GRID1: variants seen among roughly 807,000 people sequenced by gnomAD.
The protein encoded by GRID1 is glutamate receptor ionotropic, delta-1.
Under a neutral mutation model 98.0 loss-of-function variants are expected in GRID1, and 28 were observed. That is an observed-to-expected ratio of 0.29 (90% CI 0.21 to 0.39). The LOEUF (loss-of-function observed/expected upper bound fraction) is 0.39. GRID1 is among the 10% of genes least tolerant of loss of function. The pLI is 1.00. For missense variants in GRID1, 1,111 were observed against 1,340.5 expected, an observed-to-expected ratio of 0.83 and a Z score of 2.67; for synonymous variants, 553 against 538.5, an observed-to-expected ratio of 1.03 and a Z score of -0.37.
At chr10:86,136,755 T>G (rs1027676713) in intron 4 of GRID1, among the ~76,000 whole-genome samples, 1 of 152,032 alleles carries the variant, frequency 6.6e-6, no homozygotes, top group Admixed American at 6.5e-5. Flanking sequence ...CCCCTCAATC[T>G]CCTGCCAACA....
At chr10:85,844,495 A>T (rs906526635) in intron 8 of GRID1, among the ~76,000 whole-genome samples, 1 of 151,376 alleles carries the variant, frequency 6.6e-6, no homozygotes, top group Non-Finnish European at 1.5e-5. Flanking sequence ...GTGGATCTGA[A>T]TGAGATCCAT....
chr10:86,170,468 G>A (rs1039463388), intron 3 of GRID1, among the ~76,000 whole-genome samples: 5 of 152,248 alleles, frequency 3.3e-5, no homozygotes, highest in Non-Finnish European at 7.3e-5. Flanking sequence ...CATCACAAAT[G>A]TGAGCTCCCC....
intron 5 of GRID1, among the ~76,000 whole-genome samples, chr10:85,886,555 A>G (rs1029904215): frequency 6.6e-6 from 1 of 152,186 alleles, no homozygotes; most frequent in African/African-American, 2.4e-5. Flanking sequence ...GCAAAATTTC[A>G]ATGATGGACA....
chr10:86,327,016 A>G (rs887254738), intron 2 of GRID1, among the ~76,000 whole-genome samples: 1 of 152,114 alleles, frequency 6.6e-6, no homozygotes, highest in Non-Finnish European at 1.5e-5. Context: ...AGCGACTGTA[A>G]TTCCAGCTAC....
chr10:86,221,490 TTTGTGGG>T (rs1202079458), intron 2 of GRID1, among the ~76,000 whole-genome samples: 35 of 152,242 alleles, frequency 2.3e-4, no homozygotes, highest in Non-Finnish European at 4.6e-4. Flanking sequence ...AGAGGAAGCC[TTTGTGGG>T]CTGTGGGCTG....
intron 4 of GRID1, among the ~76,000 whole-genome samples, chr10:86,019,720 A>C (rs1040467482): frequency 7.9e-5 from 12 of 152,250 alleles, no homozygotes; most frequent in Non-Finnish European, 1.6e-4. Context: ...GTGATAGCTA[A>C]TAGTGGCAGG....
intron 13 of GRID1, among the ~76,000 whole-genome samples, chr10:85,640,497 T>G (rs545279039): frequency 1.3e-5 from 2 of 152,330 alleles, no homozygotes; most frequent in South Asian, 4.1e-4. Context: ...TGCACAGAAG[T>G]GCCCACCCAT....
chr10:86,239,111 A>G (rs1341649935), intron 2 of GRID1, among the ~76,000 whole-genome samples: 1 of 152,250 alleles, frequency 6.6e-6, no homozygotes, highest in East Asian at 1.9e-4. Context: ...GCAGAGCCAT[A>G]GGGACAGAGC....
intron 12 of GRID1, among the ~76,000 whole-genome samples, chr10:85,666,841 C>T (rs1480475159): frequency 6.6e-6 from 1 of 152,132 alleles, no homozygotes; most frequent in Non-Finnish European, 1.5e-5. Context: ...ACATCAGGTG[C>T]AGGTGTCCCC....
At chr10:86,088,826 T>G (rs1348557449) in intron 4 of GRID1, among the ~76,000 whole-genome samples, 1 of 152,078 alleles carries the variant, frequency 6.6e-6, no homozygotes, top group Non-Finnish European at 1.5e-5. Context: ...GTCTGGAGTT[T>G]TCTTTTTGCC....
chr10:86,043,464 G>A (rs1843375956), intron 4 of GRID1, among the ~76,000 whole-genome samples: 1 of 152,194 alleles, frequency 6.6e-6, no homozygotes, highest in South Asian at 2.1e-4. Flanking sequence ...CATCCTGCAG[G>A]CCTGAGCCTG....
At chr10:86,101,196 G>C (rs1844290980) in intron 4 of GRID1, among the ~76,000 whole-genome samples, 1 of 152,168 alleles carries the variant, frequency 6.6e-6, no homozygotes, top group Non-Finnish European at 1.5e-5. Context: ...AGCAGGAGGT[G>C]ACATCAAAGA....
At chr10:85,811,628 A>G (rs1842672488) in intron 8 of GRID1, among the ~76,000 whole-genome samples, 1 of 152,186 alleles carries the variant, frequency 6.6e-6, no homozygotes, top group Non-Finnish European at 1.5e-5. Flanking sequence ...TCTAAACTTC[A>G]AGACAGATCT....
At chr10:85,946,729 T>G (rs976697942) in intron 4 of GRID1, among the ~76,000 whole-genome samples, 1 of 152,062 alleles carries the variant, frequency 6.6e-6, no homozygotes, top group African/African-American at 2.4e-5. Flanking sequence ...GAAATTGTCT[T>G]CAGTTTCATT....
chr10:86,240,888 G>C (rs948945935), intron 2 of GRID1, among the ~76,000 whole-genome samples: 9 of 152,220 alleles, frequency 5.9e-5, no homozygotes, highest in East Asian at 1.9e-4. Flanking sequence ...GCCAAGCACA[G>C]AGCAGCAGGA....
chr10:86,364,165 G>A, intron 1 of GRID1, 69 bp from the exon 2 acceptor site: 3 of 1,355,532 alleles, frequency 2.2e-6, no homozygotes, highest in Non-Finnish European at 3.1e-6. Flanking sequence ...TGGCCCGAGG[G>A]TCAAGGCACT....
At chr10:85,797,998 G>A (rs1007970395) in intron 8 of GRID1, among the ~76,000 whole-genome samples, 12 of 152,056 alleles carry the variant, frequency 7.9e-5, no homozygotes, top group Admixed American at 1.3e-4. Flanking sequence ...CATATACCAC[G>A]TTTATCCAAT....
chr10:86,274,042 G>T (rs1459999354), intron 2 of GRID1, among the ~76,000 whole-genome samples: 4 of 151,932 alleles, frequency 2.6e-5, no homozygotes, highest in Admixed American at 1.3e-4. Flanking sequence ...TTTTATGGTT[G>T]TAGGTCTAAT....
chr10:86,196,009 A>G (rs968331080), intron 3 of GRID1, among the ~76,000 whole-genome samples: 2 of 152,090 alleles, frequency 1.3e-5, no homozygotes, highest in Admixed American at 1.3e-4. Flanking sequence ...GTCACAGCAC[A>G]TGCCTCACAT....
Sources: allele counts gnomAD v4.1 joint callset (sites outside exome capture counted in the v4.1 genomes callset), GRCh38; gene constraint gnomAD v4.1.1; transcripts MANE v1.5; gene names NCBI Gene and HGNC (gene_info 2026-07-23, HGNC 2026-07-21).